The following RNF213 variants were observed in gnomAD, a reference collection of about 807,000 sequenced individuals.
The protein encoded by RNF213 is ring finger protein 213, also known as E3 ubiquitin-protein ligase RNF213.
In RNF213, 341 loss-of-function variants were observed where a neutral mutation model predicts 514.4. That is an observed-to-expected ratio of 0.66 (90% CI 0.61 to 0.73). RNF213 has a LOEUF of 0.73. Ranked by LOEUF, RNF213 falls within the 30% of genes least tolerant of loss-of-function variation. The pLI, the probability that RNF213 is intolerant of heterozygous loss-of-function variation, is 0.00. For missense variants in RNF213, 5,767 were observed against 6,615.6 expected (o/e 0.87, Z 4.45); for synonymous variants, 2,655 against 2,658.2 (o/e 1.00, Z 0.04).
chr17:80,289,949 T>C (rs879345957), intron 6 of RNF213, 112 bp downstream of exon 6: 4 of 1,242,702 alleles, frequency 3.2e-6, no homozygotes, highest in African/African-American at 3.0e-5. Context: ...TCAGCTGTTT[T>C]GGCAAGTTTA....
chr17:80,276,573 G>A (rs1196573153), intron 3 of RNF213, among the ~76,000 whole-genome samples: 7 of 152,090 alleles, frequency 4.6e-5, no homozygotes, highest in Non-Finnish European at 7.3e-5. Context: ...GGCCAGGCGC[G>A]GTGGCTCACT....
At chr17:80,359,953 C>G in intron 37 of RNF213, 108 bp from the exon 38 acceptor site, 2 of 1,166,282 alleles carry the variant, frequency 1.7e-6, no homozygotes, top group South Asian at 2.6e-5. Context: ...CCTGTTGGCC[C>G]CTTTGTTTTT....
chr17:80,269,434 TTCTA>T (rs1411247666), intron 2 of RNF213, among the ~76,000 whole-genome samples: 59 of 148,178 alleles, frequency 4.0e-4, no homozygotes, highest in African/African-American at 1.2e-3. Context: ...CATTCATCTA[TTCTA>T]TCTATCCATC....
chr17:80,365,883 GC>G (rs2079249874), intron 42 of RNF213, among the ~76,000 whole-genome samples: 1 of 152,194 alleles, frequency 6.6e-6, no homozygotes, highest in Non-Finnish European at 1.5e-5. Flanking sequence ...AAAGGAGCTG[GC>G]CCCTGCCTGC....
In RNF213 at chr17:80,351,892, G is replaced by C; in HGVS notation, c.10303+89G>C. 5 of 764,792 alleles carry C rather than the reference G, an allele frequency of 6.5e-6. No individual in the cohort carries two copies. The South Asian group carries it at 7.6e-5, about 12-fold the overall frequency. 47.4% of individuals were successfully genotyped at this position (764,792 alleles called of 1,614,324 possible). On this transcript the variant is annotated intron_variant, in intron 32 of 67. Coordinates refer to ENST00000582970, the MANE Select transcript of RNF213 (RefSeq NM_001256071.3). ...ATTTTTTGAGATGGAGTCTTGCTCTGTCACCAGGCTGGAGTGCAGTGGCGC... is the reference window on the plus strand; with the variant it reads ...ATTTTTTGAGATGGAGTCTTGCTCTCTCACCAGGCTGGAGTGCAGTGGCGC...
chr17:80,379,719 G>A lies in RNF213; in HGVS notation c.13640+5G>A, dbSNP rs1415434846. On this transcript the variant is annotated splice_donor_5th_base_variant and intron_variant, in intron 55 of 67. Coordinates refer to ENST00000582970, the MANE Select transcript of RNF213 (RefSeq NM_001256071.3). ...GGACGGCTTTCATCTGGTCAAGTAT[G>A]TGGGTCAGGATTCTATTTCCTAAGT... The A allele has an allele frequency of 2.5e-6, 4 of 1,613,174 alleles. No individual in the cohort carries two copies. Among genetic ancestry groups the A allele is most frequent in the Non-Finnish European group, 3.4e-6 (4 of 1,179,228 alleles).
At chr17:80,385,446 G>C (rs1449111588) in intron 60 of RNF213, 92 bp from the exon 61 acceptor site, 2 of 1,156,790 alleles carry the variant, frequency 1.7e-6, no homozygotes, top group African/African-American at 3.0e-5. Context: ...AAGCAGGAAA[G>C]ATGGGCTCTC....
intron 60 of RNF213, 133 bp downstream of exon 60, chr17:80,385,304 G>A: frequency 8.6e-7 from 1 of 1,163,448 alleles, no homozygotes; most frequent in Middle Eastern, 2.7e-4. Flanking sequence ...CCCTTACCAT[G>A]CGGTGAAGGG....
intron 15 of RNF213, 52 bp downstream of exon 15, chr17:80,313,219 C>T: frequency 1.9e-6 from 3 of 1,609,134 alleles, no homozygotes; most frequent in South Asian, 1.1e-5. Context: ...ATCGTGATTC[C>T]TCATGGCCTC....
intron 18 of RNF213, among the ~76,000 whole-genome samples, chr17:80,325,778 A>G (rs1448465973): frequency 3.9e-5 from 6 of 151,990 alleles, no homozygotes; most frequent in South Asian, 2.1e-4. Flanking sequence ...GAGACCTTAG[A>G]TTCATATCTT....
chr17:80,285,833 G>C (rs1328902955), intron 3 of RNF213, among the ~76,000 whole-genome samples: 1 of 152,122 alleles, frequency 6.6e-6, no homozygotes, highest in African/African-American at 2.4e-5. Context: ...ACCACGCCCA[G>C]CTAATTTTTT....
rs868524528 is a variant in RNF213 at position 80,332,654 on chromosome 17, T to G, written c.4143+23T>G. 130 of 1,464,798 alleles carry G rather than the reference T, an allele frequency of 8.9e-5. No homozygotes were observed. In the Middle Eastern group the frequency reaches 4.1e-3, roughly 47 times the overall value. 90.7% of individuals were successfully genotyped at this position (1,464,798 alleles called of 1,614,324 possible). A position where few individuals can be genotyped will look rare whatever the true frequency, so the allele number is the denominator to read the frequency against. On this transcript the variant is annotated intron_variant, in intron 21 of 67. Transcript: ENST00000582970. ...TTTGTAAGTTATTTGCTGGGGACTG[T>G]GGGGGTTTGGAGGGGCGTCCTGCCT...
intron 20 of RNF213, among the ~76,000 whole-genome samples, chr17:80,329,446 T>C (rs2046358062): frequency 6.6e-6 from 1 of 152,256 alleles, no homozygotes; most frequent in Non-Finnish European, 1.5e-5. Flanking sequence ...ACATCCTTCA[T>C]GTGTGTGACC....
At chr17:80,301,839 T>C (rs2045190000) in intron 11 of RNF213, among the ~76,000 whole-genome samples, 1 of 152,212 alleles carries the variant, frequency 6.6e-6, no homozygotes, top group African/African-American at 2.4e-5. Flanking sequence ...TGCACTCCTA[T>C]ATTTATCGTA....
Position 80,352,941 on chromosome 17 carries a change from G to T in RNF213, c.10305G>T (p.Gly3435=), listed in dbSNP as rs765086276. ...TGTGGGTGGCTTCACTCTTCACAGGGCTGTGGCAGTCTGTCCACATCGATG... is the reference window on the plus strand; with the variant it reads ...TGTGGGTGGCTTCACTCTTCACAGGTCTGTGGCAGTCTGTCCACATCGATG... ...RGTAYVGFHG[G]LWQSVHIDDL... The change falls in exon 33 of 68, where the codon GGG becomes GGT. Residue 3435 remains glycine, a splice_region_variant and synonymous_variant. Coordinates refer to ENST00000582970, the MANE Select transcript of RNF213 (RefSeq NM_001256071.3). 3.1e-6 allele frequency: 5 copies of T among 1,614,024 alleles called. No individual in the cohort carries two copies. The highest frequency in any genetic ancestry group is 4.2e-6 in the Non-Finnish European group (5 of 1,180,046).
chr17:80,347,069 G>A lies in RNF213; in HGVS notation c.8734G>A (p.Glu2912Lys). 1 of 1,614,092 alleles carries A rather than the reference G, an allele frequency of 6.2e-7. No homozygotes were observed. The highest frequency in any genetic ancestry group is 1.7e-5 in the Admixed American group (1 of 60,012). The change falls in exon 29 of 68, where the codon GAG becomes AAG. Residue 2912 changes from glutamate (E) to lysine (K), a missense_variant. Around this residue, in one of 13 missense-constraint regions of RNF213, gnomAD observed 919 missense variants for 1,121.0 expected, o/e 0.82. Transcript: ENST00000582970. This position sits in a 1 kb window ranked among gnomAD's most constrained non-coding sequence, Gnocchi z 7.2. ...CAGCCCCAACGAGACAGAGCTCATA[G>A]AGAGCGCCAAGGGCATCTGCTCCTC... ...RGSPNETELI[E>K]SAKGICSSDI...
chr17:80,282,377 T>C (rs1336913954), intron 3 of RNF213, among the ~76,000 whole-genome samples: 1 of 152,126 alleles, frequency 6.6e-6, no homozygotes, highest in Admixed American at 6.6e-5. Flanking sequence ...TGATTCAATA[T>C]TTTATTTTTA....
At position 80,319,853 on chromosome 17, in the gene RNF213, T is replaced by G. The variant is rs1050980150; in HGVS notation, c.3024+541T>G. 9 of 1,168,434 alleles carry G rather than the reference T, an allele frequency of 7.7e-6. No individual in the cohort carries two copies. In the Admixed American group the frequency reaches 2.0e-4, roughly 26 times the overall value. The allele number at this position is 1,168,434 out of a possible 1,614,324, so 72.4% of individuals were successfully genotyped here. A position where few individuals can be genotyped will look rare whatever the true frequency, so the allele number is the denominator to read the frequency against. On this transcript the variant is annotated intron_variant, in intron 17 of 67. Transcript: ENST00000582970. ...TCCCTGCTGGCCACGGCTGCCCTGC[T>G]CACATTTCCTAATTGGACACTTAAC...
chr17:80,313,619 T>TGTGATGGAGGTGATGGTG (rs1568051152), intron 15 of RNF213, among the ~76,000 whole-genome samples: 19 of 45,122 alleles, frequency 4.2e-4, no homozygotes, highest in African/African-American at 1.6e-3. Context: ...TGATGGTGAT[T>TGTGATGGAGGTGATGGTG]GTGGTGGAGG....
Sources: allele counts gnomAD v4.1 joint callset (sites outside exome capture counted in the v4.1 genomes callset), GRCh38; gene constraint gnomAD v4.1.1; regional missense constraint gnomAD v4.1.1; non-coding constraint Gnocchi (gnomAD v3.1); transcripts MANE v1.5; gene names NCBI Gene and HGNC (gene_info 2026-07-23, HGNC 2026-07-21).